NEB: variants seen among roughly 807,000 people sequenced by gnomAD.
The protein encoded by NEB is nebulin.
NEB carries 512 observed loss-of-function variants against 952.2 expected under a neutral mutation model. The ratio of observed to expected loss-of-function variants is 0.54; its 90% CI spans 0.50 to 0.58. NEB has a LOEUF of 0.58. NEB is among the 20% of genes least tolerant of loss of function. NEB has a pLI of 0.00. For missense variants in NEB, 8,428 were observed against 9,231.1 expected (o/e 0.91, Z 3.56); for synonymous variants, 2,900 against 3,149.8 (o/e 0.92, Z 2.66).
intron 52 of NEB, among the ~76,000 whole-genome samples, chr2:151,652,940 C>A (rs1271505834): frequency 6.6e-6 from 1 of 152,118 alleles, no homozygotes; most frequent in Non-Finnish European, 1.5e-5. Flanking sequence ...AGGCTTATCA[C>A]CTCATTGATT....
At chr2:151,494,287 A>G in intron 173 of NEB, 34 bp from the exon 174 acceptor site, 1 of 1,417,426 alleles carries the variant, frequency 7.1e-7, no homozygotes, top group African/African-American at 1.4e-5. Context: ...AAAGCCAAAA[A>G]GAAAAAGAGT....
chr2:151,725,824 CT>C (rs1045461345), intron 5 of NEB, among the ~76,000 whole-genome samples: 5 of 151,338 alleles, frequency 3.3e-5, no homozygotes, highest in South Asian at 4.2e-4. Flanking sequence ...TTCTTTCAAT[CT>C]TTTTTTTTGT....
chr2:151,703,033 A>G (rs972271492), intron 13 of NEB, among the ~76,000 whole-genome samples: 9 of 141,634 alleles, frequency 6.4e-5, no homozygotes, highest in East Asian at 2.0e-4. Context: ...CTTCCTTCAG[A>G]AGCTCTTTTA....
chr2:151,643,049 A>G lies in NEB; in HGVS notation c.8160+101T>C, dbSNP rs1460885393. 6 of 1,331,290 alleles carry G rather than the reference A, an allele frequency of 4.5e-6. 1 individual carries two copies. The highest frequency in any genetic ancestry group is 5.2e-6 in the Non-Finnish European group (5 of 955,424). The allele number at this position is 1,331,290 out of a possible 1,614,324, so 82.5% of individuals were successfully genotyped here. ...ATACTTTAAAACCACATTAGTACCA[A>G]GCAAAGGAATCAAAAACAAGTTTTC... On this transcript the variant is annotated intron_variant, in intron 58 of 181. Transcript: ENST00000397345.
At position 151,555,061 on chromosome 2, in the gene NEB, G is replaced by C; in HGVS notation, c.19315-17C>G. ...ATATTTGATCTATAGAGAATAAGTA[G>C]AAAGGAAGAAACAGTTTTAGAGAGT... On this transcript the variant is annotated splice_polypyrimidine_tract_variant and intron_variant, in intron 124 of 181. Coordinates refer to ENST00000397345, the MANE Select transcript of NEB (RefSeq NM_001164508.2). 1 of 1,499,666 alleles carries C rather than the reference G, an allele frequency of 6.7e-7. No individual in the cohort carries two copies. The highest frequency in any genetic ancestry group is 9.3e-7 in the Non-Finnish European group (1 of 1,076,130). The allele number at this position is 1,499,666 out of a possible 1,614,324, so 92.9% of individuals were successfully genotyped here. A position where few individuals can be genotyped will look rare whatever the true frequency, so the allele number is the denominator to read the frequency against.
chr2:151,643,857 A>G lies in NEB; in HGVS notation c.7917T>C (p.Asp2639=), dbSNP rs745410848. 2.4e-5 allele frequency: 39 copies of G among 1,613,908 alleles called. No homozygotes were observed. The highest frequency in any genetic ancestry group is 2.9e-5 in the Non-Finnish European group (34 of 1,179,868). ...CATAGGCCTGCCGAGCATGGATGAC[A>G]TCGCTCTGGTCGGGCAGGCATGTCC... ...HQWTCLPDQS[D]VIHARQAYDL... is the part of the protein sequence containing the mutation. Residue 2639 remains aspartate (D), a synonymous_variant, in exon 57 of 182, where the codon GAT becomes GAC. Transcript: ENST00000397345.
At chr2:151,581,690 T>A (rs1004456864) in intron 102 of NEB, 103 bp from the exon 103 acceptor site, 12 of 1,357,228 alleles carry the variant, frequency 8.8e-6, no homozygotes, top group African/African-American at 1.5e-5. Flanking sequence ...AAATGGATGA[T>A]GAAAAAAATT....
At chr2:151,546,318 T>G (rs1481612695) in intron 134 of NEB, 27 bp downstream of exon 134, 2 of 1,561,990 alleles carry the variant, frequency 1.3e-6, no homozygotes. Context: ...CGGGGGGTAA[T>G]TATGCATTGT....
intron 32 of NEB, among the ~76,000 whole-genome samples, chr2:151,678,883 G>C (rs2099393845): frequency 6.6e-6 from 1 of 152,288 alleles, no homozygotes; most frequent in African/African-American, 2.4e-5. Context: ...ATTTCAGAAC[G>C]AGGACATTTG....
chr2:151,526,385 C>A, intron 148 of NEB, 123 bp from the exon 149 acceptor site: 1 of 725,202 alleles, frequency 1.4e-6, no homozygotes, highest in South Asian at 1.7e-5. Flanking sequence ...AGATGTGATA[C>A]TTGCAAATTT....
intron 48 of NEB, 26 bp from the exon 49 acceptor site, chr2:151,656,490 A>G: frequency 6.6e-7 from 1 of 1,506,456 alleles, no homozygotes; most frequent in Non-Finnish European, 9.0e-7. Flanking sequence ...GAGTTTTTAC[A>G]CAGAGCAATT....
chr2:151,646,706 A>G (rs926247865), intron 54 of NEB, among the ~76,000 whole-genome samples: 3 of 152,104 alleles, frequency 2.0e-5, no homozygotes, highest in Admixed American at 1.3e-4. Flanking sequence ...CTGGAGTGCA[A>G]TGGCGCAATC....
chr2:151,690,735 G>A lies in NEB; in HGVS notation c.2302C>T (p.Leu768Phe), dbSNP rs368268273. The change falls in exon 24 of 182, where the codon CTT becomes TTT. Residue 768 changes from leucine to phenylalanine, a missense_variant. Transcript: ENST00000397345. ...TAAATCAAAGCACTTACATCACTAA[G>A]CTGTTTCGTGTTGAGCTGGGCTTGC... The part of the protein sequence containing the change: ...LLQAQLNTKQ[L>F]SDLNYKAKHE... 1.3e-6 allele frequency: 2 copies of A among 1,587,944 alleles called. No individual in the cohort carries two copies. The highest frequency in any genetic ancestry group is 1.2e-5 in the South Asian group (1 of 86,678).
At position 151,493,835 on chromosome 2, in the gene NEB, G is replaced by T. The variant is rs1559159983; in HGVS notation, c.24612C>A (p.Thr8204=). ...VLYKENLGKA[T]PTPFTPEMER... Reference sequence around the variant, plus strand: ...CCATCTCAGGAGTAAAGGGTGTGGGGGTTGCTTTCCCCAGGTTCTCTTTGT... The same window carrying T: ...CCATCTCAGGAGTAAAGGGTGTGGGTGTTGCTTTCCCCAGGTTCTCTTTGT... Residue 8204 remains threonine, a synonymous_variant, in exon 175 of 182, where the codon ACC becomes ACA. Transcript: ENST00000397345. 1.5e-5 allele frequency: 24 copies of T among 1,583,442 alleles called. No homozygotes were observed. Among genetic ancestry groups the T allele is most frequent in the Non-Finnish European group, 2.0e-5 (23 of 1,163,754 alleles).
At chr2:151,538,097 G>C (rs2093481948) in intron 139 of NEB, 43 bp downstream of exon 139, 2 of 1,525,830 alleles carry the variant, frequency 1.3e-6, no homozygotes, top group Non-Finnish European at 1.8e-6. Flanking sequence ...TGTATATGGT[G>C]AGTTGTAGAG....
chr2:151,693,643 C>T (rs1355869897), intron 20 of NEB, among the ~76,000 whole-genome samples: 1 of 152,136 alleles, frequency 6.6e-6, no homozygotes, highest in Non-Finnish European at 1.5e-5. Context: ...ATCTGTACCA[C>T]ATTTTCTTTA....
intron 45 of NEB, among the ~76,000 whole-genome samples, 184 bp from the exon 46 acceptor site, chr2:151,662,525 A>C (rs955452758): frequency 2.0e-5 from 3 of 152,186 alleles, no homozygotes; most frequent in Admixed American, 2.0e-4. Context: ...TTTCTTCCCT[A>C]AACTTTTATC....
At chr2:151,702,883 G>A (rs531022313) in intron 13 of NEB, among the ~76,000 whole-genome samples, 1 of 151,772 alleles carries the variant, frequency 6.6e-6, no homozygotes, top group South Asian at 2.1e-4. Flanking sequence ...AGTTAATATT[G>A]TTATGTGTGA....
At chr2:151,665,638 G>T in intron 41 of NEB, 99 bp from the exon 42 acceptor site, 1 of 1,026,832 alleles carries the variant, frequency 9.7e-7, no homozygotes, top group South Asian at 2.0e-5. Flanking sequence ...AAGAGAAGCT[G>T]GGAGGGGGAG....
Sources: gnomAD v4.1 joint callset for allele counts (sites outside exome capture counted in the v4.1 genomes callset) on GRCh38, gnomAD v4.1.1 for gene constraint, MANE v1.5 for transcripts, NCBI Gene and HGNC (gene_info 2026-07-23, HGNC 2026-07-21) for gene names.